FLT1: variants seen among roughly 807,000 people sequenced by gnomAD.
FLT1 encodes fms related receptor tyrosine kinase 1, also known as vascular endothelial growth factor receptor 1.
In FLT1, 49 loss-of-function variants were observed where a neutral mutation model predicts 156.3. The ratio of observed to expected loss-of-function variants is 0.31; its 90% CI spans 0.25 to 0.40. The LOEUF is 0.40. Ranked by LOEUF, FLT1 falls within the 10% of genes least tolerant of loss-of-function variation. The pLI, the probability that FLT1 is intolerant of heterozygous loss-of-function variation, is 1.00. For synonymous variants in FLT1, 594 were observed against 583.8 expected (o/e 1.02, Z -0.25); for missense variants, 1,322 against 1,637.2 (o/e 0.81, Z 3.32).
chr13:28,372,074 A>ATT (rs1290920015), intron 14 of FLT1, among the ~76,000 whole-genome samples: 19 of 14,176 alleles, frequency 1.3e-3, no homozygotes, highest in African/African-American at 3.4e-3. Flanking sequence ...ATATATATAT[A>ATT]TATTTTTTTT....
intron 3 of FLT1, among the ~76,000 whole-genome samples, chr13:28,445,582 C>T (rs552892491): frequency 1.2e-3 from 188 of 152,058 alleles, no homozygotes; most frequent in African/African-American, 4.3e-3. Flanking sequence ...GGATAAATGC[C>T]GGGAAAGACA....
intron 12 of FLT1, among the ~76,000 whole-genome samples, chr13:28,390,429 T>A (rs1217290973): frequency 6.6e-6 from 1 of 152,210 alleles, no homozygotes; most frequent in Non-Finnish European, 1.5e-5. Context: ...AGGGTCTTGC[T>A]ATGTTGCCCA....
At chr13:28,389,042 TA>T in intron 13 of FLT1, 1 of 1,064,510 alleles carries the variant, frequency 9.4e-7, no homozygotes, top group Non-Finnish European at 1.1e-6. Flanking sequence ...TGGACTCTTA[TA>T]ATTCACACTG....
intron 1 of FLT1, among the ~76,000 whole-genome samples, chr13:28,483,619 C>G (rs1463690129): frequency 1.3e-5 from 2 of 152,174 alleles, no homozygotes; most frequent in Non-Finnish European, 2.9e-5. Context: ...ACGCTATTTT[C>G]TCCTTCTTGA....
At chr13:28,429,560 C>T (rs1019650458) in intron 8 of FLT1, among the ~76,000 whole-genome samples, 2 of 152,108 alleles carry the variant, frequency 1.3e-5, no homozygotes, top group African/African-American at 4.8e-5. Flanking sequence ...GCCCCATCGT[C>T]CCCCTCTTCA....
intron 1 of FLT1, among the ~76,000 whole-genome samples, chr13:28,479,729 T>A (rs1880737011): frequency 6.6e-6 from 1 of 152,256 alleles, no homozygotes; most frequent in South Asian, 2.1e-4. Flanking sequence ...GCGTTGTTTG[T>A]ATTCAATGCC....
intron 18 of FLT1, among the ~76,000 whole-genome samples, chr13:28,333,144 C>T (rs192352317): frequency 1.6e-4 from 25 of 152,320 alleles, no homozygotes; most frequent in Admixed American, 2.6e-4. Flanking sequence ...AGAACTTTGA[C>T]GTCTCCCTAA....
chr13:28,492,559 A>G (rs1881528030), intron 1 of FLT1, among the ~76,000 whole-genome samples: 2 of 152,194 alleles, frequency 1.3e-5, no homozygotes, highest in Admixed American at 1.3e-4. Context: ...CTCTCAATGC[A>G]TGTGCACACC....
chr13:28,371,324 A>G (rs559843563), intron 14 of FLT1, among the ~76,000 whole-genome samples: 4 of 152,244 alleles, frequency 2.6e-5, no homozygotes, highest in Admixed American at 6.5e-5. Flanking sequence ...CAAAAATATT[A>G]AATGGAAAAT....
At chr13:28,460,666 A>AC (rs1292220773) in intron 3 of FLT1, among the ~76,000 whole-genome samples, 17 of 31,146 alleles carry the variant, frequency 5.5e-4, no homozygotes, top group Non-Finnish European at 9.4e-4. Context: ...CCCCCACCCC[A>AC]CCCCCCCAAA....
At chr13:28,374,198 T>C (rs982380752) in intron 14 of FLT1, among the ~76,000 whole-genome samples, 2 of 152,104 alleles carry the variant, frequency 1.3e-5, no homozygotes, top group Non-Finnish European at 2.9e-5. Context: ...ATGTGCATTT[T>C]GCCACAATTT....
chr13:28,467,765 C>T, intron 1 of FLT1, 148 bp from the exon 2 acceptor site: 1 of 601,354 alleles, frequency 1.7e-6, no homozygotes, highest in Middle Eastern at 4.4e-4. Flanking sequence ...AAAAGATACA[C>T]TAATACAAAT....
At chr13:28,347,278 T>C (rs1192341633) in intron 15 of FLT1, among the ~76,000 whole-genome samples, 1 of 150,998 alleles carries the variant, frequency 6.6e-6, no homozygotes, top group Admixed American at 6.6e-5. Context: ...ATCCTAGCGC[T>C]TTGGGAGGCC....
Position 28,322,544 on chromosome 13 carries a change from C to T in FLT1, c.2954-185G>A. On this transcript the variant is annotated intron_variant, in intron 21 of 29. Transcript: ENST00000282397. The surrounding 1 kb of genome is among the most constrained non-coding windows in gnomAD (Gnocchi z 4.3). ...TTCCAGGCCTCCAGCCCACTTTATCCAAGCATGGGGGCAGGGGGATGATCC... is the reference window on the plus strand; with the variant it reads ...TTCCAGGCCTCCAGCCCACTTTATCTAAGCATGGGGGCAGGGGGATGATCC... 1 of 722,420 alleles carries T rather than the reference C, an allele frequency of 1.4e-6. No homozygotes were observed. Among genetic ancestry groups the T allele is most frequent in the Non-Finnish European group, 2.5e-6 (1 of 403,614 alleles). The allele number at this position is 722,420 out of a possible 1,614,324, so 44.8% of individuals were successfully genotyped here. A position where few individuals can be genotyped will look rare whatever the true frequency, so the allele number is the denominator to read the frequency against.
At chr13:28,487,117 G>T (rs948694613) in intron 1 of FLT1, among the ~76,000 whole-genome samples, 4 of 152,200 alleles carry the variant, frequency 2.6e-5, no homozygotes, top group African/African-American at 9.7e-5. Context: ...TCACCCAGGA[G>T]CTTTAAAATT....
At chr13:28,305,163 A>G (rs1053350985) in intron 29 of FLT1, among the ~76,000 whole-genome samples, 1 of 152,150 alleles carries the variant, frequency 6.6e-6, no homozygotes, top group African/African-American at 2.4e-5. Flanking sequence ...TGAGGGTTCC[A>G]ATTTCTCCAT....
In FLT1 at chr13:28,494,914, C is replaced by T. The variant is rs564755484; in HGVS notation, c.-71G>A. ...GGCCAACGACCCGGCCGCCAGAGTC[C>T]GTCCTCTCGTTCGCCGCCGCCGGCC... On this transcript the variant is annotated 5_prime_UTR_variant, in exon 1 of 30. Coordinates refer to ENST00000282397, the MANE Select transcript of FLT1 (RefSeq NM_002019.4). 3.1e-6 allele frequency: 4 copies of T among 1,283,140 alleles called. No homozygotes were observed. Among genetic ancestry groups the T allele is most frequent in the Non-Finnish European group, 4.2e-6 (4 of 953,850 alleles). 79.5% of individuals were successfully genotyped at this position (1,283,140 alleles called of 1,614,324 possible). A position where few individuals can be genotyped will look rare whatever the true frequency, so the allele number is the denominator to read the frequency against.
At chr13:28,460,667 C>T (rs1456108517) in intron 3 of FLT1, among the ~76,000 whole-genome samples, 1 of 135,334 alleles carries the variant, frequency 7.4e-6, no homozygotes, top group Non-Finnish European at 1.6e-5. Context: ...CCCCACCCCA[C>T]CCCCCCAAAA....
intron 11 of FLT1, among the ~76,000 whole-genome samples, chr13:28,404,048 A>AT (rs1875631538): frequency 6.8e-6 from 1 of 146,138 alleles, no homozygotes; most frequent in African/African-American, 2.8e-5. Flanking sequence ...TGTCTCAAAA[A>AT]AAAAAAAAAG....
Sources: gnomAD v4.1 joint callset for allele counts (sites outside exome capture counted in the v4.1 genomes callset) on GRCh38, gnomAD v4.1.1 for gene constraint, Gnocchi (gnomAD v3.1) non-coding constraint, MANE v1.5 for transcripts, NCBI Gene and HGNC (gene_info 2026-07-23, HGNC 2026-07-21) for gene names.